The following PRKG2 variants were observed in gnomAD, a reference collection of about 807,000 sequenced individuals.
The protein encoded by PRKG2 is protein kinase cGMP-dependent 2, also known as cGMP-dependent protein kinase 2.
Under a neutral mutation model 97.2 loss-of-function variants are expected in PRKG2, and 33 were observed. The ratio of observed to expected loss-of-function variants is 0.34; its 90% CI spans 0.26 to 0.45. The LOEUF is 0.45. Ranked by LOEUF, PRKG2 falls within the 20% of genes least tolerant of loss-of-function variation. The probability of loss-of-function intolerance (pLI) is 1.00; values close to 1 mark genes in which losing one functional copy is unlikely to be tolerated. For missense variants in PRKG2, 638 were observed against 900.0 expected (o/e 0.71, Z 3.73); for synonymous variants, 330 against 321.8 (o/e 1.03, Z -0.27).
intron 2 of PRKG2, among the ~76,000 whole-genome samples, chr4:81,180,054 A>T (rs1163981449): frequency 6.6e-6 from 1 of 151,966 alleles, no homozygotes; most frequent in Non-Finnish European, 1.5e-5. Context: ...AATTGCTTGA[A>T]CCCGGGAGTC....
chr4:81,110,636 G>A, intron 14 of PRKG2, 25 bp from the exon 15 acceptor site: 1 of 1,612,394 alleles, frequency 6.2e-7, no homozygotes, highest in Non-Finnish European at 8.5e-7. Context: ...CAAAGAAATT[G>A]TGCAGAAACC....
At chr4:81,092,269 C>T in intron 18 of PRKG2, 117 bp downstream of exon 18, 3 of 565,460 alleles carry the variant, frequency 5.3e-6, no homozygotes, top group South Asian at 7.7e-5. Flanking sequence ...ATAAAAACTG[C>T]TTTAAAAAAA....
intron 15 of PRKG2, among the ~76,000 whole-genome samples, chr4:81,106,202 C>T (rs1214346905): frequency 6.6e-6 from 1 of 152,068 alleles, no homozygotes; most frequent in Non-Finnish European, 1.5e-5. Flanking sequence ...AAGAAAGGGA[C>T]AGAGAAGGTG....
chr4:81,185,179 G>A lies in PRKG2; in HGVS notation c.462-10220C>T, dbSNP rs139504983. On this transcript the variant is annotated intron_variant, in intron 2 of 18. Transcript: ENST00000264399. ...GCAACCCCAAGAAACATAATCATCA[G>A]ATTCACCAAGGTTGAAATGGAGAAA... 2.5e-3 allele frequency among the ~76,000 whole-genome samples: 384 copies of A among 152,244 alleles called. 2 individuals are homozygous for A. The highest frequency in any genetic ancestry group is 8.8e-3 in the African/African-American group (365 of 41,522).
chr4:81,186,465 C>G (rs1751888151), intron 2 of PRKG2, among the ~76,000 whole-genome samples: 1 of 152,066 alleles, frequency 6.6e-6, no homozygotes, highest in Admixed American at 6.6e-5. Context: ...TGGGACACAG[C>G]TAAAGCAGTG....
chr4:81,113,130 C>G (rs1744149074), intron 14 of PRKG2, among the ~76,000 whole-genome samples: 1 of 152,080 alleles, frequency 6.6e-6, no homozygotes, highest in South Asian at 2.1e-4. Context: ...GCCAGCGTGG[C>G]TGGGCAAAAA....
Position 81,189,066 on chromosome 4 carries a change from T to TAAAAAAAAAAAAAAAAAAA in PRKG2, c.462-14126_462-14108dup. Among the ~76,000 whole-genome samples the TAAAAAAAAAAAAAAAAAAA allele has an allele frequency of 1.1e-3, 18 of 17,056 alleles. 1 individual carries two copies. The highest frequency in any genetic ancestry group is 0.01 in the East Asian group (3 of 294). The allele number at this position is 17,056 out of a possible 152,430, so 11.2% of individuals were successfully genotyped here. On this transcript the variant is annotated intron_variant, in intron 2 of 18. Coordinates refer to ENST00000264399, the MANE Select transcript of PRKG2 (RefSeq NM_006259.3). ...AAAAAAAAAAGATTAAAAAAAATAA[T>TAAAAAAAAAAAAAAAAAAA]AAAAAAAAAAAAAAAAAAAAAAAAA...
intron 10 of PRKG2, among the ~76,000 whole-genome samples, chr4:81,143,770 T>C (rs1009494293): frequency 1.3e-5 from 2 of 152,118 alleles, no homozygotes; most frequent in African/African-American, 2.4e-5. Flanking sequence ...TTAACAAAAG[T>C]AGAGTTTTCT....
intron 1 of PRKG2, among the ~76,000 whole-genome samples, chr4:81,209,923 A>G (rs986377427): frequency 6.6e-6 from 1 of 152,168 alleles, no homozygotes; most frequent in African/African-American, 2.4e-5. Flanking sequence ...TAAACAGTAC[A>G]GTCAACTGAT....
rs1747190044 is a variant in PRKG2, at chr4:81,140,634, C to T, written c.1443G>A (p.Met481Ile). 4 of 1,610,072 alleles carry T rather than the reference C, an allele frequency of 2.5e-6. No individual in the cohort carries two copies. The highest frequency in any genetic ancestry group is 1.7e-5 in the Admixed American group (1 of 59,966). The change falls in exon 12 of 19, where the codon ATG becomes ATA. Residue 481 changes from methionine to isoleucine, a missense_variant. Met to Ile is a conservative substitution (Grantham distance 10). This residue lies in a region of PRKG2 where 304 missense variants were observed against 460.5 expected (regional missense o/e 0.66). Coordinates refer to ENST00000264399, the MANE Select transcript of PRKG2 (RefSeq NM_006259.3). Reference protein sequence around the residue: ...KVKNENVAFAMKCIRKKHIVD... With the variant: ...KVKNENVAFAIKCIRKKHIVD... ...CTATGTGCTTCTTCCTTATACACTTCATAGCAAAAGCAACATTCTCATTTT... is the reference window on the plus strand; with the variant it reads ...CTATGTGCTTCTTCCTTATACACTTTATAGCAAAAGCAACATTCTCATTTT...
In PRKG2 at chr4:81,144,295, A is replaced by C; in HGVS notation, c.1190T>G (p.Leu397Arg). 1 of 1,612,168 alleles carries C rather than the reference A, an allele frequency of 6.2e-7. No homozygotes were observed. The change falls in exon 10 of 19, where the codon CTG (leucine) becomes CGG (arginine). Residue 397 changes from leucine to arginine, a missense_variant. Around this residue, in one of 3 missense-constraint regions of PRKG2, gnomAD observed 304 missense variants for 460.5 expected, o/e 0.66. Coordinates refer to ENST00000264399, the MANE Select transcript of PRKG2 (RefSeq NM_006259.3). ...FNQTVGTFEELQKYLEGYVAN... is the reference protein window; with the variant it reads ...FNQTVGTFEERQKYLEGYVAN... ...CACATATCCTTCAAGGTATTTTTGC[A>C]GCTCTTCAAATGTACCGACAGTTTG...
chr4:81,190,804 C>T (rs374377100), intron 2 of PRKG2, among the ~76,000 whole-genome samples: 3 of 152,126 alleles, frequency 2.0e-5, no homozygotes, highest in African/African-American at 4.8e-5. Context: ...GAAAAGAAGA[C>T]ATTTATGCAG....
chr4:81,166,323 C>T (rs945144365), intron 6 of PRKG2, among the ~76,000 whole-genome samples: 2 of 151,776 alleles, frequency 1.3e-5, no homozygotes, highest in Non-Finnish European at 2.9e-5. Context: ...TTTTTTTCCT[C>T]CCACTGAGAA....
At chr4:81,111,447 T>C (rs1162208625) in intron 14 of PRKG2, among the ~76,000 whole-genome samples, 3 of 151,840 alleles carry the variant, frequency 2.0e-5, no homozygotes, top group Non-Finnish European at 1.5e-5. Context: ...ATGTTATACA[T>C]GATTAATATT....
chr4:81,194,455 G>A (rs761190266), intron 2 of PRKG2, among the ~76,000 whole-genome samples: 26 of 150,856 alleles, frequency 1.7e-4, no homozygotes, highest in African/African-American at 1.7e-4. Flanking sequence ...AGAAACTAGC[G>A]TGACAAAAAT....
chr4:81,093,648 A>T (rs992371765), intron 17 of PRKG2, among the ~76,000 whole-genome samples: 1 of 152,198 alleles, frequency 6.6e-6, no homozygotes, highest in Admixed American at 6.6e-5. Flanking sequence ...AAAGAAACAC[A>T]CTTAAGCAGA....
chr4:81,125,079 C>G (rs1433939283), intron 14 of PRKG2, among the ~76,000 whole-genome samples: 2 of 152,022 alleles, frequency 1.3e-5, no homozygotes, highest in Admixed American at 6.6e-5. Context: ...ATGTAAATTA[C>G]TTAAATGTAT....
At chr4:81,144,686 C>A (rs1747667599) in intron 9 of PRKG2, among the ~76,000 whole-genome samples, 1 of 150,452 alleles carries the variant, frequency 6.6e-6, no homozygotes, top group South Asian at 2.1e-4. Context: ...TATACATGTG[C>A]CATGCTGGTG....
In PRKG2 at chr4:81,104,301, A is replaced by C; in HGVS notation, c.2126+69T>G. On this transcript the variant is annotated intron_variant, in intron 17 of 18. Coordinates refer to ENST00000264399, the MANE Select transcript of PRKG2 (RefSeq NM_006259.3). ...AGGGACCTTTGTGGCCTCCTGAGAG[A>C]AGCTTTTGCAAGTACCACATTGTTC... 9 of 1,185,254 alleles carry C rather than the reference A, an allele frequency of 7.6e-6. No individual in the cohort carries two copies. The South Asian group carries it at 1.4e-4, about 19-fold the overall frequency. The allele number at this position is 1,185,254 out of a possible 1,614,324, so 73.4% of individuals were successfully genotyped here.
Sources: allele counts gnomAD v4.1 joint callset (sites outside exome capture counted in the v4.1 genomes callset), GRCh38; gene constraint gnomAD v4.1.1; regional missense constraint gnomAD v4.1.1; transcripts MANE v1.5; gene names NCBI Gene and HGNC (gene_info 2026-07-23, HGNC 2026-07-21).